Variants in FSTL4 observed in about 807,000 individuals in gnomAD.
FSTL4 encodes the protein follistatin like 4.
A neutral mutation model predicts 78.2 loss-of-function variants in FSTL4; 28 were observed. That is an observed-to-expected ratio of 0.36 (90% CI 0.27 to 0.49). The LOEUF (loss-of-function observed/expected upper bound fraction) is 0.49. FSTL4 is among the 20% of genes least tolerant of loss of function. FSTL4 has a pLI of 0.98. For missense variants in FSTL4, 922 were observed against 1,084.9 expected (o/e 0.85, Z 2.11); for synonymous variants, 422 against 440.5 (o/e 0.96, Z 0.53).
intron 3 of FSTL4, among the ~76,000 whole-genome samples, chr5:133,478,869 C>T (rs1486236740): frequency 6.6e-6 from 1 of 152,102 alleles, no homozygotes; most frequent in East Asian, 1.9e-4. Flanking sequence ...GAGTCCTTCA[C>T]TGACCCCACA....
intron 13 of FSTL4, among the ~76,000 whole-genome samples, chr5:133,212,616 C>T (rs907652178): frequency 2.0e-5 from 3 of 151,598 alleles, no homozygotes; most frequent in East Asian, 1.9e-4. Context: ...ATGTGAGACC[C>T]AATGGAAAGA....
intron 2 of FSTL4, among the ~76,000 whole-genome samples, chr5:133,571,761 G>A (rs1176324219): frequency 2.0e-5 from 3 of 151,814 alleles, no homozygotes; most frequent in African/African-American, 7.3e-5. Context: ...AAATTCAATA[G>A]GTGGATTTAA....
At chr5:133,657,163 C>G in the FSTL4 span, among the ~76,000 whole-genome samples, 1 of 152,050 alleles carries the variant, frequency 6.6e-6, no homozygotes, top group Non-Finnish European at 1.5e-5. Context: ...TGATGAAGTC[C>G]GCTACGCTGT....
intron 7 of FSTL4, among the ~76,000 whole-genome samples, chr5:133,240,729 G>A (rs796943014): frequency 1.3e-4 from 20 of 151,968 alleles, no homozygotes; most frequent in African/African-American, 4.1e-4. Flanking sequence ...TATTCTCAGC[G>A]TGTCATGTGG....
chr5:133,399,923 T>G (rs1030641754), intron 4 of FSTL4, among the ~76,000 whole-genome samples: 5 of 152,228 alleles, frequency 3.3e-5, no homozygotes, highest in African/African-American at 1.2e-4. Flanking sequence ...CAATAAATAC[T>G]TCCACAGGCC....
chr5:133,326,687 T>C (rs918294169), intron 4 of FSTL4, among the ~76,000 whole-genome samples: 2 of 152,356 alleles, frequency 1.3e-5, no homozygotes, highest in African/African-American at 4.8e-5. Context: ...TCCACAGAGC[T>C]GTTTCCATCC....
At position 133,249,954 on chromosome 5, in the gene FSTL4, A is replaced by G. The variant is rs546157199; in HGVS notation, c.728-378T>C. Among the ~76,000 whole-genome samples, 17 of 152,238 alleles carry G rather than the reference A, an allele frequency of 1.1e-4. No individual in the cohort carries two copies. In the East Asian group the frequency reaches 3.3e-3, roughly 30 times the overall value. On this transcript the variant is annotated intron_variant, in intron 6 of 15. Coordinates refer to ENST00000265342, the MANE Select transcript of FSTL4 (RefSeq NM_015082.2). Reference sequence around the variant, plus strand: ...GCTCACAGCTCCCCTGGCCTATTGGAGTCTGGGCCTTGCTAAGTGCAGACA... The same window carrying G: ...GCTCACAGCTCCCCTGGCCTATTGGGGTCTGGGCCTTGCTAAGTGCAGACA...
chr5:133,739,251 C>T, the FSTL4 span, among the ~76,000 whole-genome samples: 1 of 151,986 alleles, frequency 6.6e-6, no homozygotes, highest in Non-Finnish European at 1.5e-5. Context: ...CCACACAGAG[C>T]CTAAGAAACC....
At chr5:133,615,700 A>G (rs1051646971), upstream of FSTL4, among the ~76,000 whole-genome samples, 2 of 152,234 alleles carry the variant, frequency 1.3e-5, no homozygotes, top group Non-Finnish European at 2.9e-5. Flanking sequence ...CCTAGAAATT[A>G]AGGGAATGTA....
At chr5:133,627,079 C>T in the FSTL4 span, among the ~76,000 whole-genome samples, 1 of 150,700 alleles carries the variant, frequency 6.6e-6, no homozygotes, top group Non-Finnish European at 1.5e-5. Flanking sequence ...ATGCTGCATA[C>T]ACATTTAGTA....
chr5:133,216,145 A>G (rs991106809), intron 13 of FSTL4, among the ~76,000 whole-genome samples: 2 of 152,182 alleles, frequency 1.3e-5, no homozygotes, highest in Non-Finnish European at 2.9e-5. Flanking sequence ...TTTTACCTCA[A>G]GCCTTATATT....
chr5:133,526,728 T>A (rs1215307437), intron 3 of FSTL4, among the ~76,000 whole-genome samples: 1 of 152,046 alleles, frequency 6.6e-6, no homozygotes, highest in Non-Finnish European at 1.5e-5. Flanking sequence ...GAGCTGGGGA[T>A]GAGGACTTTG....
intron 3 of FSTL4, among the ~76,000 whole-genome samples, chr5:133,434,690 C>T (rs1757003808): frequency 6.6e-6 from 1 of 152,064 alleles, no homozygotes; most frequent in African/African-American, 2.4e-5. Flanking sequence ...TAAGTACTGC[C>T]AAATTACTGG....
chr5:133,384,201 C>A (rs574597221), intron 4 of FSTL4, among the ~76,000 whole-genome samples: 23 of 152,242 alleles, frequency 1.5e-4, no homozygotes, highest in Middle Eastern at 3.4e-3. Flanking sequence ...GTGCAATGAC[C>A]CTAGAGTGCA....
At chr5:133,697,061 G>A in the FSTL4 span, among the ~76,000 whole-genome samples, 3 of 152,226 alleles carry the variant, frequency 2.0e-5, 1 homozygote, top group Non-Finnish European at 4.4e-5. Context: ...AGGGTAGGGG[G>A]AGGGCTTGGA....
Position 133,315,027 on chromosome 5 carries a change from T to C in FSTL4, c.603+1432A>G, listed in dbSNP as rs1033043563. On this transcript the variant is annotated intron_variant, in intron 5 of 15. Transcript: ENST00000265342. Reference sequence around the variant, plus strand: ...AAATGCAAAAATTAGCTGGGTGTGGTGGTGTAAGCCTGCAATTCCAGCTAC... The same window carrying C: ...AAATGCAAAAATTAGCTGGGTGTGGCGGTGTAAGCCTGCAATTCCAGCTAC... 2.0e-5 allele frequency among the ~76,000 whole-genome samples: 3 copies of C among 151,952 alleles called. No individual in the cohort carries two copies. The East Asian group carries it at 5.8e-4, about 29-fold the overall frequency.
the FSTL4 span, among the ~76,000 whole-genome samples, chr5:133,683,486 C>G: frequency 6.6e-6 from 1 of 151,936 alleles, no homozygotes; most frequent in East Asian, 1.9e-4. Flanking sequence ...GAAAAAAATC[C>G]TCAGAGCCAC....
At chr5:133,376,899 A>AAG (rs556187128) in intron 4 of FSTL4, among the ~76,000 whole-genome samples, 5,651 of 151,756 alleles carry the variant, frequency 0.037, 175 homozygotes, top group Admixed American at 0.058. Flanking sequence ...AAAAAAAAAA[A>AAG]AAAAAAGAAA....
chr5:133,605,754 G>A (rs1260022059), intron 1 of FSTL4, among the ~76,000 whole-genome samples: 3 of 152,120 alleles, frequency 2.0e-5, no homozygotes, highest in African/African-American at 7.2e-5. Context: ...GAGTCCATAA[G>A]CTCCCACTCT....
Sources: allele counts gnomAD v4.1 joint callset (sites outside exome capture counted in the v4.1 genomes callset), GRCh38; gene constraint gnomAD v4.1.1; transcripts MANE v1.5; gene names NCBI Gene and HGNC (gene_info 2026-07-23, HGNC 2026-07-21).